Variants in CNBD1 observed in about 807,000 individuals in gnomAD.
CNBD1 encodes cyclic nucleotide binding domain containing 1, also known as cyclic nucleotide-binding domain-containing protein 1.
Under a neutral mutation model 54.4 loss-of-function variants are expected in CNBD1, and 71 were observed. The ratio of observed to expected loss-of-function variants is 1.30; its 90% CI spans 1.08 to 1.59. CNBD1 has a LOEUF of 1.59. Ranked by LOEUF, CNBD1 falls within the 40% of genes most tolerant of loss-of-function variation. The pLI is 0.00. For synonymous variants in CNBD1, 182 were observed against 170.7 expected, an observed-to-expected ratio of 1.07 and a Z score of -0.51; for missense variants, 659 against 518.0, an observed-to-expected ratio of 1.27 and a Z score of -2.64.
chr8:87,422,459 A>T (rs1807957516), intron 2 of CNBD1, among the ~76,000 whole-genome samples: 1 of 151,076 alleles, frequency 6.6e-6, no homozygotes, highest in African/African-American at 2.5e-5. Flanking sequence ...TATAAGGTGT[A>T]AGGAAGGGAT....
At chr8:86,941,800 T>C (rs2130429794) in intron 4 of CNBD1, among the ~76,000 whole-genome samples, 1 of 152,298 alleles carries the variant, frequency 6.6e-6, no homozygotes, top group South Asian at 2.1e-4. Flanking sequence ...TGCTACATTC[T>C]TTTGTGGACC....
intron 5 of CNBD1, among the ~76,000 whole-genome samples, chr8:87,208,752 G>A (rs1814030305): frequency 6.6e-6 from 1 of 151,788 alleles, no homozygotes; most frequent in African/African-American, 2.4e-5. Flanking sequence ...TTTTCTTTGT[G>A]TAGTCCTTTG....
intron 4 of CNBD1, among the ~76,000 whole-genome samples, chr8:86,984,173 G>A (rs1256889613): frequency 6.6e-6 from 1 of 152,150 alleles, no homozygotes; most frequent in African/African-American, 2.4e-5. Flanking sequence ...GCTTCAGAGG[G>A]TAAAAGCCCC....
chr8:87,099,034 C>CAAAAAAA (rs11402011), intron 4 of CNBD1, among the ~76,000 whole-genome samples: 12 of 23,060 alleles, frequency 5.2e-4, no homozygotes, highest in Non-Finnish European at 7.9e-4. Context: ...GACTGTGTCT[C>CAAAAAAA]AAAAAAAAAA....
chr8:87,057,444 C>T (rs2130633286), intron 4 of CNBD1, among the ~76,000 whole-genome samples: 1 of 152,246 alleles, frequency 6.6e-6, no homozygotes, highest in Admixed American at 6.5e-5. Context: ...GGGCCCCTGC[C>T]ATGATATATG....
intron 10 of CNBD1, among the ~76,000 whole-genome samples, chr8:87,377,217 A>T (rs1461590816): frequency 6.6e-6 from 1 of 151,332 alleles, no homozygotes; most frequent in Admixed American, 6.6e-5. Context: ...TTAGTTACAT[A>T]TGTATACATG....
At chr8:86,994,751 A>G (rs1425939232) in intron 4 of CNBD1, among the ~76,000 whole-genome samples, 1 of 149,358 alleles carries the variant, frequency 6.7e-6, no homozygotes, top group Admixed American at 6.7e-5. Context: ...CTTCTCCGTC[A>G]ACTCTCGGTG....
rs572060949 is a variant in CNBD1 at position 87,013,212 on chromosome 8, C to T, written c.431+73458C>T. On this transcript the variant is annotated intron_variant, in intron 4 of 10. Transcript: ENST00000518476. ...ACCCCAGGACCTCCCTTAGGTTAAA[C>T]GTCCTTGATTTATTCTAAGCTGGTT... is the stretch of plus-strand genomic sequence containing the variant. 7.2e-5 allele frequency among the ~76,000 whole-genome samples: 11 copies of T among 152,248 alleles called. No homozygotes were observed. In the East Asian group the frequency reaches 1.4e-3, roughly 19 times the overall value.
At chr8:87,156,414 T>C (rs2130754465) in intron 4 of CNBD1, among the ~76,000 whole-genome samples, 1 of 150,652 alleles carries the variant, frequency 6.6e-6, no homozygotes. Context: ...CCGGCTACAT[T>C]TTTTTATTTT....
chr8:86,952,078 G>A (rs1807640307), intron 4 of CNBD1, among the ~76,000 whole-genome samples: 1 of 152,080 alleles, frequency 6.6e-6, no homozygotes, highest in Non-Finnish European at 1.5e-5. Flanking sequence ...ATAACCATTT[G>A]TCTTCCATCT....
chr8:86,920,699 T>C (rs1010453439), intron 3 of CNBD1, among the ~76,000 whole-genome samples: 1 of 152,150 alleles, frequency 6.6e-6, no homozygotes, highest in Admixed American at 6.6e-5. Context: ...CCAAAAGCTG[T>C]CAAAGTACGT....
chr8:87,161,398 C>CA (rs921140801), intron 4 of CNBD1, among the ~76,000 whole-genome samples: 2 of 152,016 alleles, frequency 1.3e-5, no homozygotes, highest in South Asian at 2.1e-4. Flanking sequence ...AGTTCTACCA[C>CA]AAAAATTATG....
intron 8 of CNBD1, among the ~76,000 whole-genome samples, chr8:87,328,625 G>C (rs190238105): frequency 6.6e-6 from 1 of 151,666 alleles, no homozygotes; most frequent in Non-Finnish European, 1.5e-5. Flanking sequence ...GGATTATTTT[G>C]TCTGTTTATC....
intron 4 of CNBD1, among the ~76,000 whole-genome samples, chr8:86,944,507 C>A (rs1270961660): frequency 6.6e-6 from 1 of 152,124 alleles, no homozygotes; most frequent in Admixed American, 6.5e-5. Context: ...GAGAGAGAGA[C>A]AATTAAATAC....
At chr8:87,195,627 G>A (rs1190991203) in intron 4 of CNBD1, among the ~76,000 whole-genome samples, 1 of 150,802 alleles carries the variant, frequency 6.6e-6, no homozygotes, top group African/African-American at 2.4e-5. Context: ...AGGCTAGAGT[G>A]CAATGGTGCA....
chr8:87,038,825 T>A (rs1255438861), intron 4 of CNBD1, among the ~76,000 whole-genome samples: 1 of 152,196 alleles, frequency 6.6e-6, no homozygotes, highest in Admixed American at 6.5e-5. Flanking sequence ...TTAGATCAGA[T>A]CTCTTTCAGT....
intron 4 of CNBD1, among the ~76,000 whole-genome samples, chr8:87,146,341 T>G (rs962131213): frequency 1.8e-4 from 27 of 152,188 alleles, no homozygotes; most frequent in Non-Finnish European, 3.1e-4. Flanking sequence ...TACATATTTG[T>G]GTCTACACCT....
chr8:87,384,845 G>T (rs1398462600), downstream of CNBD1, among the ~76,000 whole-genome samples: 3 of 152,162 alleles, frequency 2.0e-5, no homozygotes, highest in Non-Finnish European at 2.9e-5. Flanking sequence ...TCATGCATGG[G>T]ATGACTGATG....
chr8:86,883,135 T>A (rs1349305473), intron 1 of CNBD1, among the ~76,000 whole-genome samples: 1 of 152,036 alleles, frequency 6.6e-6, no homozygotes, highest in Non-Finnish European at 1.5e-5. Context: ...CACGTTTACC[T>A]ATATAACAAA....
Sources: gnomAD v4.1 joint callset for allele counts (sites outside exome capture counted in the v4.1 genomes callset) on GRCh38, gnomAD v4.1.1 for gene constraint, MANE v1.5 for transcripts, NCBI Gene and HGNC (gene_info 2026-07-23, HGNC 2026-07-21) for gene names.